Variants in CDC42BPA observed in about 807,000 individuals in gnomAD.
CDC42BPA encodes the protein CDC42 binding protein kinase alpha, also known as serine/threonine-protein kinase MRCK alpha.
CDC42BPA carries 80 observed loss-of-function variants against 223.5 expected under a neutral mutation model. The ratio of observed to expected loss-of-function variants is 0.36; its 90% CI spans 0.30 to 0.43. The LOEUF (loss-of-function observed/expected upper bound fraction) is 0.43. CDC42BPA is among the 20% of genes least tolerant of loss of function. The pLI, the probability that CDC42BPA is intolerant of heterozygous loss-of-function variation, is 1.00. For synonymous variants in CDC42BPA, 694 were observed against 718.6 expected, an observed-to-expected ratio of 0.97 and a Z score of 0.55; for missense variants, 1,743 against 2,099.9, an observed-to-expected ratio of 0.83 and a Z score of 3.32.
intron 5 of CDC42BPA, among the ~76,000 whole-genome samples, chr1:227,181,027 C>G (rs933893770): frequency 1.3e-5 from 2 of 151,958 alleles, no homozygotes; most frequent in Non-Finnish European, 2.9e-5. Flanking sequence ...GAAATAACCT[C>G]TACTCCCAAA....
At chr1:227,264,652 G>T in intron 1 of CDC42BPA, 1 of 551,966 alleles carries the variant, frequency 1.8e-6, no homozygotes, top group Non-Finnish European at 3.3e-6. Flanking sequence ...GTTGCCCTAA[G>T]TTTTACCAGT....
intron 5 of CDC42BPA, among the ~76,000 whole-genome samples, chr1:227,176,112 C>T (rs996136846): frequency 2.0e-5 from 3 of 152,052 alleles, no homozygotes; most frequent in Non-Finnish European, 2.9e-5. Flanking sequence ...GATACCATAC[C>T]GGGCTAATTT....
intron 1 of CDC42BPA, among the ~76,000 whole-genome samples, chr1:227,292,085 T>A (rs1009327854): frequency 6.6e-6 from 1 of 151,936 alleles, no homozygotes; most frequent in Admixed American, 6.6e-5. Flanking sequence ...CAGGTTCAAG[T>A]GATTCTTCTG....
chr1:227,287,883 G>A (rs1393258499), intron 1 of CDC42BPA, among the ~76,000 whole-genome samples: 2 of 152,190 alleles, frequency 1.3e-5, no homozygotes, highest in Non-Finnish European at 2.9e-5. Flanking sequence ...AGGGCAATGA[G>A]TTTCTCTGGC....
chr1:227,171,701 A>C (rs1163288203), intron 5 of CDC42BPA, among the ~76,000 whole-genome samples: 1 of 152,192 alleles, frequency 6.6e-6, no homozygotes, highest in Non-Finnish European at 1.5e-5. Context: ...CTAGAACATC[A>C]GTACCAAAAG....
intron 2 of CDC42BPA, among the ~76,000 whole-genome samples, chr1:227,231,260 T>C (rs1185646177): frequency 6.6e-6 from 1 of 151,830 alleles, no homozygotes; most frequent in Non-Finnish European, 1.5e-5. Flanking sequence ...TGCAATAATT[T>C]GCTCAGAATA....
At chr1:227,046,690 C>G (rs1672519938) in intron 23 of CDC42BPA, among the ~76,000 whole-genome samples, 1 of 152,242 alleles carries the variant, frequency 6.6e-6, no homozygotes, top group African/African-American at 2.4e-5. Context: ...TACTTGGTGT[C>G]TTATCATTTT....
chr1:227,013,872 T>C (rs1665698950), intron 34 of CDC42BPA, among the ~76,000 whole-genome samples: 1 of 152,142 alleles, frequency 6.6e-6, no homozygotes, highest in African/African-American at 2.4e-5. Flanking sequence ...CTACATATTA[T>C]GTATTGAAAA....
At chr1:227,283,429 T>C (rs887614399) in intron 1 of CDC42BPA, among the ~76,000 whole-genome samples, 1 of 152,126 alleles carries the variant, frequency 6.6e-6, no homozygotes, top group Non-Finnish European at 1.5e-5. Flanking sequence ...TTATAAAATT[T>C]TATCATAATC....
At chr1:227,303,515 C>A (rs539649207) in intron 1 of CDC42BPA, among the ~76,000 whole-genome samples, 1 of 152,340 alleles carries the variant, frequency 6.6e-6, no homozygotes, top group Admixed American at 6.5e-5. Context: ...CCCAATGGCA[C>A]TCAACAGGGG....
intron 2 of CDC42BPA, among the ~76,000 whole-genome samples, 174 bp from the exon 3 acceptor site, chr1:227,213,393 C>T (rs1188112382): frequency 6.6e-6 from 1 of 152,076 alleles, no homozygotes; most frequent in Non-Finnish European, 1.5e-5. Flanking sequence ...AGTTAGTGAA[C>T]ATGTGCCAAA....
Position 227,033,330 on chromosome 1 carries a change from T to C in CDC42BPA, c.3558+4A>G. On this transcript the variant is annotated splice_donor_region_variant and intron_variant, in intron 27 of 36. Coordinates refer to ENST00000366766, the MANE Select transcript of CDC42BPA (RefSeq NM_001394014.1). Reference sequence around the variant, plus strand: ...AGTGATCAAATTACAGCATACACACTTACCCTAAATATACAGGGTATATCT... The same window carrying C: ...AGTGATCAAATTACAGCATACACACCTACCCTAAATATACAGGGTATATCT... The C allele has an allele frequency of 1.3e-6, 2 of 1,580,322 alleles. No individual in the cohort carries two copies. Among genetic ancestry groups the C allele is most frequent in the Non-Finnish European group, 8.7e-7 (1 of 1,149,190 alleles).
At chr1:227,159,806 G>A (rs1332539543) in intron 6 of CDC42BPA, among the ~76,000 whole-genome samples, 1 of 152,038 alleles carries the variant, frequency 6.6e-6, no homozygotes. Flanking sequence ...GATTACAAGC[G>A]TGAGCCACCA....
chr1:227,184,653 T>C (rs1370780464), intron 5 of CDC42BPA, among the ~76,000 whole-genome samples: 5 of 152,172 alleles, frequency 3.3e-5, no homozygotes, highest in African/African-American at 9.7e-5. Flanking sequence ...TCCAGTTCTA[T>C]TGCCTTTCCA....
chr1:227,134,019 CTT>C (rs1657981896), intron 10 of CDC42BPA, among the ~76,000 whole-genome samples: 1 of 133,964 alleles, frequency 7.5e-6, no homozygotes, highest in Admixed American at 7.7e-5. Context: ...CAACTATACA[CTT>C]TGTCATTATC....
intron 1 of CDC42BPA, among the ~76,000 whole-genome samples, chr1:227,310,606 A>G (rs1044660671): frequency 6.6e-6 from 1 of 152,180 alleles, no homozygotes. Context: ...CTAGCTAGAA[A>G]GAATAATCCT....
intron 6 of CDC42BPA, among the ~76,000 whole-genome samples, chr1:227,148,771 GC>G (rs1311160938): frequency 1.0e-3 from 8 of 7,716 alleles, no homozygotes; most frequent in Non-Finnish European, 1.3e-3. Flanking sequence ...GGTCTCAAAA[GC>G]AAAAAAAAAA....
chr1:226,994,280 G>T lies in CDC42BPA; in HGVS notation c.5253C>A (p.Ser1751Arg). The T allele has an allele frequency of 6.3e-7, 1 of 1,583,302 alleles. No individual in the cohort carries two copies. The highest frequency in any genetic ancestry group is 8.6e-7 in the Non-Finnish European group (1 of 1,162,542). Residue 1751 changes from serine (S) to arginine (R), a missense_variant, in exon 37 of 37, where the codon AGC (serine) becomes AGA (arginine). This residue lies in a region of CDC42BPA where 200 missense variants were observed against 192.8 expected (regional missense o/e 1.04). Coordinates refer to ENST00000366766, the MANE Select transcript of CDC42BPA (RefSeq NM_001394014.1). The surrounding 1 kb of genome is among the most constrained non-coding windows in gnomAD (Gnocchi z 4.0). ...GTGCTGAGGCAGCTCACGGGTCCCA[G>T]CTCCCGCGGTCAGTGCTCTCCAGGG... ...SLSLESTDRGSWDP is the reference protein window; with the variant it reads ...SLSLESTDRGRWDP
chr1:227,276,702 A>C (rs1226742862), intron 1 of CDC42BPA, among the ~76,000 whole-genome samples: 3 of 152,256 alleles, frequency 2.0e-5, no homozygotes, highest in Non-Finnish European at 2.9e-5. Flanking sequence ...AGAAGTGGAC[A>C]TAGGAGACTC....
Sources: allele counts gnomAD v4.1 joint callset (sites outside exome capture counted in the v4.1 genomes callset), GRCh38; gene constraint gnomAD v4.1.1; regional missense constraint gnomAD v4.1.1; non-coding constraint Gnocchi (gnomAD v3.1); transcripts MANE v1.5; gene names NCBI Gene and HGNC (gene_info 2026-07-23, HGNC 2026-07-21).